Variants in LAMA2 observed in about 807,000 individuals in gnomAD.
The protein encoded by LAMA2 is laminin subunit alpha 2, also known as laminin subunit alpha-2.
LAMA2 carries 269 observed loss-of-function variants against 364.8 expected under a neutral mutation model. The observed-to-expected ratio is 0.74, with a 90% CI of 0.67 to 0.82. LAMA2 has a LOEUF of 0.82. Ranked by LOEUF, LAMA2 falls within the 40% of genes least tolerant of loss-of-function variation. LAMA2 has a pLI of 0.00. For synonymous variants in LAMA2, 1,379 were observed against 1,370.6 expected (o/e 1.01, Z -0.14); for missense variants, 3,807 against 3,873.2 (o/e 0.98, Z 0.45).
chr6:129,114,026 G>A lies in LAMA2; in HGVS notation c.639+15611G>A, dbSNP rs981183984. Among the ~76,000 whole-genome samples the A allele has an allele frequency of 2.6e-5, 4 of 152,146 alleles. No individual in the cohort carries two copies. In the East Asian group the frequency reaches 7.7e-4, roughly 29 times the overall value. Reference sequence around the variant, plus strand: ...TCAAAAAAGCAAGCAAAGGCAGAATGTGAAAAGGAGCTGATATCAGTAATT... The same window carrying A: ...TCAAAAAAGCAAGCAAAGGCAGAATATGAAAAGGAGCTGATATCAGTAATT... On this transcript the variant is annotated intron_variant, in intron 4 of 64. Coordinates refer to ENST00000421865, the MANE Select transcript of LAMA2 (RefSeq NM_000426.4).
chr6:129,486,463 T>G lies in LAMA2; in HGVS notation c.7750-11T>G, dbSNP rs1001494293. On this transcript the variant is annotated splice_polypyrimidine_tract_variant and intron_variant, in intron 55 of 64. Coordinates refer to ENST00000421865, the MANE Select transcript of LAMA2 (RefSeq NM_000426.4). Reference sequence around the variant, plus strand: ...TTCTGTTTAATCTTCAATAACCACTTGCTGTTGCAGGCCTATTATGCAATA... The same window carrying G: ...TTCTGTTTAATCTTCAATAACCACTGGCTGTTGCAGGCCTATTATGCAATA... 1.2e-6 allele frequency: 2 copies of G among 1,612,786 alleles called. No homozygotes were observed. Among genetic ancestry groups the G allele is most frequent in the Non-Finnish European group, 1.7e-6 (2 of 1,179,048 alleles).
rs1774528009 is a variant in LAMA2, at chr6:129,315,507, C to T, written c.3587C>T (p.Pro1196Leu). ...CTGAAGGCTGAGCAGACCATTCTAC[C>T]CCTGGTAGATGAGGCTCTGCAGCAC... ...VTLKAEQTILPLVDEALQHTT... is the reference protein window; with the variant it reads ...VTLKAEQTILLLVDEALQHTT... Residue 1196 changes from proline (P) to leucine (L), a missense_variant, in exon 25 of 65, where the codon CCC becomes CTC. Physicochemically the swap from Pro to Leu is moderately conservative, Grantham distance 98. Around this residue, in one of 3 missense-constraint regions of LAMA2, gnomAD observed 3,333 missense variants for 3,345.7 expected, o/e 1.00. Coordinates refer to ENST00000421865, the MANE Select transcript of LAMA2 (RefSeq NM_000426.4). 2 of 1,614,116 alleles carry T rather than the reference C, an allele frequency of 1.2e-6. No individual in the cohort carries two copies. The highest frequency in any genetic ancestry group is 1.1e-5 in the South Asian group (1 of 91,078).
intron 3 of LAMA2, among the ~76,000 whole-genome samples, chr6:129,087,800 C>T (rs1381957964): frequency 6.6e-6 from 1 of 150,780 alleles, no homozygotes; most frequent in Non-Finnish European, 1.5e-5. Flanking sequence ...AGGGTACAGG[C>T]TACTCTTAAG....
chr6:128,990,429 A>G (rs1282654898), intron 1 of LAMA2, among the ~76,000 whole-genome samples: 1 of 152,188 alleles, frequency 6.6e-6, no homozygotes, highest in Non-Finnish European at 1.5e-5. Context: ...TCAAATACGA[A>G]TATGCATTTA....
At chr6:128,888,811 C>G (rs776684417) in intron 1 of LAMA2, among the ~76,000 whole-genome samples, 1 of 152,138 alleles carries the variant, frequency 6.6e-6, no homozygotes, top group Non-Finnish European at 1.5e-5. Flanking sequence ...TGAGTTTTAA[C>G]AGAGTTAAAT....
chr6:128,981,913 C>A (rs1004115314), intron 1 of LAMA2, among the ~76,000 whole-genome samples: 4 of 152,140 alleles, frequency 2.6e-5, no homozygotes, highest in Admixed American at 1.3e-4. Context: ...CTTTGGGAAG[C>A]CGTTCTCTAG....
At chr6:129,164,273 G>A (rs542484231) in intron 8 of LAMA2, among the ~76,000 whole-genome samples, 23 of 152,250 alleles carry the variant, frequency 1.5e-4, no homozygotes, top group Admixed American at 1.2e-3. Flanking sequence ...TCCCTGGTGC[G>A]ACAGAGCAAG....
At chr6:128,917,706 TTTTCTTTCTTTC>T (rs5879915) in intron 1 of LAMA2, among the ~76,000 whole-genome samples, 4 of 98,366 alleles carry the variant, frequency 4.1e-5, no homozygotes, top group Non-Finnish European at 5.8e-5. Context: ...TTTCTTTTTT[TTTTCTTTCTTTC>T]TTTCTTTCTT....
chr6:129,417,270 A>T (rs1303274425), intron 40 of LAMA2, among the ~76,000 whole-genome samples: 1 of 151,970 alleles, frequency 6.6e-6, no homozygotes, highest in Non-Finnish European at 1.5e-5. Flanking sequence ...TGACAGTGCA[A>T]CTCTCAGGAG....
At chr6:128,984,404 C>T (rs753469543) in intron 1 of LAMA2, among the ~76,000 whole-genome samples, 2 of 152,114 alleles carry the variant, frequency 1.3e-5, no homozygotes, top group African/African-American at 4.8e-5. Flanking sequence ...AGGGCCCATT[C>T]GTATGTACTT....
intron 61 of LAMA2, among the ~76,000 whole-genome samples, chr6:129,505,858 A>G (rs1377371338): frequency 6.6e-6 from 1 of 151,948 alleles, no homozygotes; most frequent in Non-Finnish European, 1.5e-5. Context: ...GATAGATTAG[A>G]TTATGAGAGA....
rs545819263 is a variant in LAMA2 at position 129,305,696 on chromosome 6, G to A, written c.3174+4824G>A. Among the ~76,000 whole-genome samples the A allele has an allele frequency of 4.6e-5, 7 of 152,006 alleles. No homozygotes were observed. The South Asian group carries it at 1.0e-3, about 23-fold the overall frequency. ...TATATTCAGATCTTTATTTTTCAAC[G>A]AATCTTAATAATTTGGCCTTTTAAT... On this transcript the variant is annotated intron_variant, in intron 22 of 64. Coordinates refer to ENST00000421865, the MANE Select transcript of LAMA2 (RefSeq NM_000426.4).
chr6:128,917,908 AT>A (rs1365856656), intron 1 of LAMA2, among the ~76,000 whole-genome samples: 2 of 149,030 alleles, frequency 1.3e-5, no homozygotes, highest in Non-Finnish European at 3.0e-5. Flanking sequence ...TAATTTTTCT[AT>A]TTTTTTTGTA....
chr6:128,982,894 G>A (rs1214646842), intron 1 of LAMA2, among the ~76,000 whole-genome samples: 9 of 151,166 alleles, frequency 6.0e-5, no homozygotes, highest in Non-Finnish European at 1.2e-4. Context: ...AGTTTACTGA[G>A]AATGATGATT....
chr6:129,144,815 A>G (rs1327392102), intron 5 of LAMA2, among the ~76,000 whole-genome samples: 1 of 152,038 alleles, frequency 6.6e-6, no homozygotes, highest in Non-Finnish European at 1.5e-5. Context: ...CATCTTTTCA[A>G]AAGCTTTTTG....
chr6:129,475,356 TTTTG>T, intron 52 of LAMA2, 30 bp from the exon 53 acceptor site: 1 of 1,266,358 alleles, frequency 7.9e-7, no homozygotes, highest in Non-Finnish European at 1.1e-6. Context: ...TTGTTTTTAT[TTTTG>T]TTTTTTTTTT....
intron 1 of LAMA2, among the ~76,000 whole-genome samples, chr6:129,040,438 G>A (rs1375058861): frequency 2.0e-5 from 3 of 152,102 alleles, no homozygotes; most frequent in East Asian, 3.9e-4. Flanking sequence ...TTGGGCAACA[G>A]AGCAAGATCC....
intron 23 of LAMA2, 70 bp downstream of exon 23, chr6:129,313,167 C>A (rs1199552917): frequency 7.4e-6 from 7 of 944,388 alleles, no homozygotes; most frequent in Non-Finnish European, 1.2e-5. Flanking sequence ...GTTTTAACTT[C>A]ATTCAGTGTT....
At chr6:129,168,261 C>A (rs368109221) in intron 9 of LAMA2, among the ~76,000 whole-genome samples, 4 of 149,744 alleles carry the variant, frequency 2.7e-5, no homozygotes, top group Non-Finnish European at 4.5e-5. Flanking sequence ...CTGAATGGTA[C>A]TGCCTAGGTT....
Sources: gnomAD v4.1 joint callset for allele counts (sites outside exome capture counted in the v4.1 genomes callset) on GRCh38, gnomAD v4.1.1 for gene constraint, gnomAD v4.1.1 regional missense constraint, MANE v1.5 for transcripts, NCBI Gene and HGNC (gene_info 2026-07-23, HGNC 2026-07-21) for gene names.